ZNF341: variants seen among roughly 807,000 people sequenced by gnomAD.
The protein encoded by ZNF341 is zinc finger protein 341.
In ZNF341, 52 loss-of-function variants were observed where a neutral mutation model predicts 87.7. The observed-to-expected ratio is 0.59, with a 90% confidence interval of 0.47 to 0.75. The LOEUF (loss-of-function observed/expected upper bound fraction) is 0.75, where lower values mean the gene tolerates loss of function less well. Among genes scored for constraint, ZNF341 ranks in the 30% least tolerant of loss-of-function variants. The pLI is 0.00. For synonymous variants in ZNF341, 459 were observed against 472.7 expected, an observed-to-expected ratio of 0.97 and a Z score of 0.38; for missense variants, 977 against 1,145.9, an observed-to-expected ratio of 0.85 and a Z score of 2.13.
chr20:33,775,288 C>A (rs1056330454), intron 10 of ZNF341, among the ~76,000 whole-genome samples: 2 of 150,356 alleles, frequency 1.3e-5, no homozygotes, highest in Non-Finnish European at 3.0e-5. Flanking sequence ...CAGCTCACTA[C>A]AACCTTCGCC....
At chr20:33,743,034 T>C (rs1029782529) in intron 2 of ZNF341, among the ~76,000 whole-genome samples, 8 of 150,682 alleles carry the variant, frequency 5.3e-5, no homozygotes, top group Admixed American at 4.6e-4. Flanking sequence ...TCTCTCTCTT[T>C]TTTTTTTTTT....
intron 13 of ZNF341, 52 bp downstream of exon 13, chr20:33,789,026 G>T: frequency 7.0e-7 from 1 of 1,434,818 alleles, no homozygotes; most frequent in East Asian, 2.3e-5. Context: ...GATTCTCCAG[G>T]GGTGCTGCTG....
intron 2 of ZNF341, among the ~76,000 whole-genome samples, chr20:33,742,411 G>A (rs994447657): frequency 2.0e-5 from 3 of 152,070 alleles, no homozygotes; most frequent in Non-Finnish European, 4.4e-5. Flanking sequence ...TGGTCAGGCT[G>A]GTCTCAAACC....
intron 9 of ZNF341, among the ~76,000 whole-genome samples, chr20:33,768,333 G>C (rs1048905798): frequency 6.6e-6 from 1 of 151,996 alleles, no homozygotes; most frequent in Non-Finnish European, 1.5e-5. Flanking sequence ...ATGTTGGCCA[G>C]GCTGGTCCCG....
chr20:33,758,686 C>T, intron 6 of ZNF341, 30 bp from the exon 7 acceptor site: 3 of 1,594,566 alleles, frequency 1.9e-6, no homozygotes, highest in Non-Finnish European at 2.6e-6. Flanking sequence ...CCCCCAGCCT[C>T]ATTGTCCCCT....
chr20:33,762,774 G>T (rs1292325493), intron 8 of ZNF341, among the ~76,000 whole-genome samples: 1 of 152,064 alleles, frequency 6.6e-6, no homozygotes, highest in Non-Finnish European at 1.5e-5. Flanking sequence ...CTATGAGTGA[G>T]AACATACGGT....
At position 33,753,342 on chromosome 20, in the gene ZNF341, G is replaced by T; in HGVS notation, c.660G>T (p.Val220=). Residue 220 remains valine, a synonymous_variant, in exon 5 of 15, where the codon GTG becomes GTT. Transcript: ENST00000375200. ...PNPGGNGVVE[V]YSAAAPLAGS... ...CTGGTGGGAACGGTGTGGTGGAGGT[G>T]TACAGTGCTGCTGCGCCCCTGGCTG... 6.2e-7 allele frequency: 1 copy of T among 1,609,588 alleles called. No homozygotes were observed.
At chr20:33,780,313 G>C (rs2019714997) in intron 10 of ZNF341, among the ~76,000 whole-genome samples, 1 of 152,188 alleles carries the variant, frequency 6.6e-6, no homozygotes. Context: ...AGAAGGATGA[G>C]GTCTGAGAGG....
At chr20:33,774,579 T>C (rs1439540726) in intron 10 of ZNF341, among the ~76,000 whole-genome samples, 1 of 152,200 alleles carries the variant, frequency 6.6e-6, no homozygotes, top group South Asian at 2.1e-4. Flanking sequence ...TGAAAATTCA[T>C]CACACTGTCT....
chr20:33,749,000 T>G lies in ZNF341; in HGVS notation c.417T>G (p.Asp139Glu), dbSNP rs1027046592. Reference protein sequence around the residue: ...LVQGNILVSDDVLMSAMSAFT... With the variant: ...LVQGNILVSDEVLMSAMSAFT... The stretch of plus-strand genomic sequence containing the variant: ...AGGGGAACATCTTGGTGAGCGATGA[T>G]GTGCTCATGTCTGCCATGTCAGCCT... Residue 139 changes from aspartate (D) to glutamate (E), a missense_variant, in exon 4 of 15, where the codon GAT becomes GAG. Coordinates refer to ENST00000375200, the MANE Select transcript of ZNF341 (RefSeq NM_001282933.2). 6.2e-7 allele frequency: 1 copy of G among 1,614,194 alleles called. No homozygotes were observed. Among genetic ancestry groups the G allele is most frequent in the Non-Finnish European group, 8.5e-7 (1 of 1,180,008 alleles).
intron 9 of ZNF341, among the ~76,000 whole-genome samples, chr20:33,769,603 A>G (rs1200288505): frequency 6.6e-6 from 1 of 152,118 alleles, no homozygotes. Context: ...GAGAGGAGGG[A>G]ACCCTCTAAT....
At chr20:33,764,505 GTATA>G (rs1229933331) in intron 8 of ZNF341, among the ~76,000 whole-genome samples, 1 of 133,318 alleles carries the variant, frequency 7.5e-6, no homozygotes, top group Non-Finnish European at 1.6e-5. Flanking sequence ...ATATGTGTGT[GTATA>G]TATATATGTA....
Position 33,750,644 on chromosome 20 carries a change from ATT to A in ZNF341, c.489+1584_489+1585del, listed in dbSNP as rs11476079. 3.7e-3 allele frequency among the ~76,000 whole-genome samples: 548 copies of A among 147,686 alleles called. 3 individuals carry two copies. The highest frequency in any genetic ancestry group is 0.013 in the African/African-American group (521 of 40,550). On this transcript the variant is annotated intron_variant, in intron 4 of 14. Transcript: ENST00000375200. The stretch of plus-strand genomic sequence containing the variant: ...CATACTTGGCTAATTTTAAAAAAAA[ATT>A]TTTTTTTTTTTGAGATGGAGTCTCG...
chr20:33,767,790 A>C (rs2122700026), intron 9 of ZNF341, among the ~76,000 whole-genome samples: 1 of 152,322 alleles, frequency 6.6e-6, no homozygotes, highest in South Asian at 2.1e-4. Flanking sequence ...TTTCTCTCAC[A>C]TTAAAGAAAT....
In ZNF341 at chr20:33,740,920, T is replaced by C; in HGVS notation, c.50T>C (p.Val17Ala). ...EALEGMDNQTVLAVQSLLDGQ... is the reference protein window; with the variant it reads ...EALEGMDNQTALAVQSLLDGQ... ...TTTTCAGGAATGGACAATCAGACCG[T>C]TCTGGCTGTCCAGTCATTATTGGAT... Residue 17 changes from valine (V) to alanine (A), a missense_variant, in exon 2 of 15, where the codon GTT (valine) becomes GCT (alanine). By Grantham distance (64) the Val-to-Ala change is moderately conservative (BLOSUM62 0). Coordinates refer to ENST00000375200, the MANE Select transcript of ZNF341 (RefSeq NM_001282933.2). 6.2e-7 allele frequency: 1 copy of C among 1,614,198 alleles called. No homozygotes were observed. Among genetic ancestry groups the C allele is most frequent in the Non-Finnish European group, 8.5e-7 (1 of 1,180,012 alleles).
intron 1 of ZNF341, among the ~76,000 whole-genome samples, chr20:33,735,578 A>T (rs544348689): frequency 6.6e-6 from 1 of 152,214 alleles, no homozygotes; most frequent in Admixed American, 6.5e-5. Context: ...TTGACTTCCC[A>T]AAGTGTTAGG....
intron 13 of ZNF341, among the ~76,000 whole-genome samples, 182 bp from the exon 14 acceptor site, chr20:33,789,336 C>T (rs2122745616): frequency 6.6e-6 from 1 of 152,184 alleles, no homozygotes; most frequent in East Asian, 1.9e-4. Context: ...AGCCACTGTG[C>T]CTGGCCAGGC....
intron 10 of ZNF341, among the ~76,000 whole-genome samples, chr20:33,777,976 C>T (rs1200022147): frequency 6.6e-6 from 1 of 152,176 alleles, no homozygotes; most frequent in East Asian, 1.9e-4. Context: ...GCACTTTTGT[C>T]AGGAATGTCA....
chr20:33,738,343 G>T (rs1265530117), intron 1 of ZNF341, among the ~76,000 whole-genome samples: 1 of 152,022 alleles, frequency 6.6e-6, no homozygotes, highest in Non-Finnish European at 1.5e-5. Flanking sequence ...GTGATCTCTG[G>T]AATAATGGCT....
Sources: allele counts gnomAD v4.1 joint callset (sites outside exome capture counted in the v4.1 genomes callset), GRCh38; gene constraint gnomAD v4.1.1; transcripts MANE v1.5; gene names NCBI Gene and HGNC (gene_info 2026-07-23, HGNC 2026-07-21).